Variants in RALGAPA1 observed in about 807,000 individuals in gnomAD.
RALGAPA1 encodes Ral GTPase activating protein catalytic subunit alpha 1.
A neutral mutation model predicts 269.6 loss-of-function variants in RALGAPA1; 52 were observed. That is an observed-to-expected ratio of 0.19 (90% CI 0.15 to 0.24). The LOEUF (loss-of-function observed/expected upper bound fraction) is 0.24, where lower values mean the gene tolerates loss of function less well. Among genes scored for constraint, RALGAPA1 ranks in the 10% least tolerant of loss-of-function variants. The pLI is 1.00. For missense variants in RALGAPA1, 1,917 were observed against 3,013.9 expected (o/e 0.64, Z 8.52); for synonymous variants, 817 against 1,008.3 (o/e 0.81, Z 3.60).
intron 9 of RALGAPA1, among the ~76,000 whole-genome samples, chr14:35,749,177 G>A (rs943039543): frequency 6.6e-6 from 1 of 152,062 alleles, no homozygotes; most frequent in African/African-American, 2.4e-5. Context: ...TCAAGAATAA[G>A]TAAATAACTT....
At chr14:35,606,160 TAGA>T (rs2059586066) in intron 35 of RALGAPA1, among the ~76,000 whole-genome samples, 1 of 152,158 alleles carries the variant, frequency 6.6e-6, no homozygotes, top group African/African-American at 2.4e-5. Flanking sequence ...ACTTACGAGG[TAGA>T]AGAAGAAACA....
chr14:35,645,162 G>A (rs1022888582), intron 31 of RALGAPA1, among the ~76,000 whole-genome samples: 8 of 151,962 alleles, frequency 5.3e-5, no homozygotes, highest in Non-Finnish European at 7.4e-5. Context: ...ATCTTCACAC[G>A]GTGGATATTA....
intron 15 of RALGAPA1, among the ~76,000 whole-genome samples, chr14:35,722,446 T>G (rs1033494708): frequency 6.6e-6 from 1 of 151,882 alleles, no homozygotes; most frequent in Non-Finnish European, 1.5e-5. Context: ...ACCATGTCTC[T>G]ATAAGAAATA....
intron 16 of RALGAPA1, among the ~76,000 whole-genome samples, 175 bp downstream of exon 16, chr14:35,721,513 G>A (rs1030859659): frequency 6.6e-6 from 1 of 152,112 alleles, no homozygotes; most frequent in Non-Finnish European, 1.5e-5. Flanking sequence ...AGCATAAAGG[G>A]ATAACAGCCT....
intron 16 of RALGAPA1, among the ~76,000 whole-genome samples, chr14:35,718,574 G>A (rs1339298079): frequency 6.6e-6 from 1 of 152,134 alleles, no homozygotes; most frequent in Non-Finnish European, 1.5e-5. Context: ...CTAGTACTTT[G>A]GGAGGCCGAG....
chr14:35,553,174 T>C (rs981063566), intron 39 of RALGAPA1, among the ~76,000 whole-genome samples: 2 of 152,236 alleles, frequency 1.3e-5, no homozygotes, highest in Admixed American at 6.5e-5. Context: ...ATACTTTATT[T>C]TGACCTTTGG....
At chr14:35,778,146 A>C (rs1046728019) in intron 1 of RALGAPA1, among the ~76,000 whole-genome samples, 2 of 152,016 alleles carry the variant, frequency 1.3e-5, no homozygotes, top group Non-Finnish European at 2.9e-5. Context: ...CTGCAGCCTC[A>C]ACCTCTTGAG....
intron 21 of RALGAPA1, among the ~76,000 whole-genome samples, chr14:35,682,166 C>T (rs1410358538): frequency 6.6e-6 from 1 of 152,186 alleles, no homozygotes; most frequent in Non-Finnish European, 1.5e-5. Context: ...AAAATGGTCA[C>T]ATAATAAACG....
chr14:35,680,707 C>T (rs950375929), intron 21 of RALGAPA1, among the ~76,000 whole-genome samples: 8 of 151,014 alleles, frequency 5.3e-5, no homozygotes, highest in African/African-American at 1.2e-4. Flanking sequence ...CTCTGCCTCC[C>T]GGGTTCACAC....
At chr14:35,649,839 C>T (rs577242088) in intron 31 of RALGAPA1, among the ~76,000 whole-genome samples, 3 of 152,152 alleles carry the variant, frequency 2.0e-5, no homozygotes, top group Admixed American at 2.0e-4. Flanking sequence ...ATCATGTTTA[C>T]CTCTGTTTAG....
intron 31 of RALGAPA1, among the ~76,000 whole-genome samples, chr14:35,637,715 T>C (rs913929670): frequency 6.6e-6 from 1 of 152,124 alleles, no homozygotes; most frequent in Admixed American, 6.5e-5. Context: ...CAAGTACAAG[T>C]AGGTTATAGA....
intron 9 of RALGAPA1, among the ~76,000 whole-genome samples, chr14:35,750,068 C>T (rs559364507): frequency 1.1e-4 from 16 of 152,062 alleles, no homozygotes; most frequent in East Asian, 7.7e-4. Context: ...CTAGACTTGG[C>T]GTCTTTGTTG....
At chr14:35,573,155 A>C (rs528177994) in intron 37 of RALGAPA1, among the ~76,000 whole-genome samples, 3 of 152,202 alleles carry the variant, frequency 2.0e-5, no homozygotes, top group East Asian at 3.8e-4. Flanking sequence ...AATTCTTCCA[A>C]ATAGATGTCT....
At position 35,689,368 on chromosome 14, in the gene RALGAPA1, C is replaced by G; in HGVS notation, c.3043G>C (p.Val1015Leu). The change falls in exon 18 of 42, where the codon GTC becomes CTC. Residue 1015 changes from valine (V) to leucine (L), a missense_variant. Physicochemically the swap from Val to Leu is conservative, Grantham distance 32. Around this residue, in one of 11 missense-constraint regions of RALGAPA1, gnomAD observed 615 missense variants for 790.0 expected, o/e 0.78. Coordinates refer to ENST00000680220, the MANE Select transcript of RALGAPA1 (RefSeq NM_001346249.2). ...LQFQKEPNSA[V>L]FMSNIAPNQS... ...TTAGGTGCGATATTACTCATGAAGA[C>G]AGCTGAGTTTGGTTCTTTCTGAAAC... The G allele has an allele frequency of 8.1e-7, 1 of 1,232,224 alleles. No individual in the cohort carries two copies. The highest frequency in any genetic ancestry group is 3.2e-5 in the East Asian group (1 of 31,696). The allele number at this position is 1,232,224 out of a possible 1,614,324, so 76.3% of individuals were successfully genotyped here.
chr14:35,668,617 A>C (rs1273026385), intron 26 of RALGAPA1, among the ~76,000 whole-genome samples: 1 of 152,166 alleles, frequency 6.6e-6, no homozygotes, highest in African/African-American at 2.4e-5. Context: ...ACATGGTGAG[A>C]CCCTGTTTCT....
intron 1 of RALGAPA1, among the ~76,000 whole-genome samples, chr14:35,794,556 A>C (rs891805271): frequency 2.6e-5 from 4 of 152,136 alleles, no homozygotes; most frequent in African/African-American, 7.2e-5. Flanking sequence ...TCCTGGGTTC[A>C]CGCCATTCTC....
chr14:35,553,105 T>G (rs189271913), intron 39 of RALGAPA1, among the ~76,000 whole-genome samples: 1 of 152,146 alleles, frequency 6.6e-6, no homozygotes, highest in Non-Finnish European at 1.5e-5. Flanking sequence ...TCATAGGGTG[T>G]TGAAGATAAA....
intron 35 of RALGAPA1, among the ~76,000 whole-genome samples, chr14:35,611,105 AG>A (rs542927858): frequency 5.3e-5 from 8 of 152,310 alleles, no homozygotes; most frequent in African/African-American, 1.7e-4. Context: ...CCTTTGAAAT[AG>A]AAATTGGCAA....
chr14:35,650,130 G>C (rs1481373169), intron 31 of RALGAPA1, among the ~76,000 whole-genome samples: 1 of 152,118 alleles, frequency 6.6e-6, no homozygotes, highest in African/African-American at 2.4e-5. Flanking sequence ...CCAGCACTTT[G>C]GGAGGCCGAG....
Sources: gnomAD v4.1 joint callset for allele counts (sites outside exome capture counted in the v4.1 genomes callset) on GRCh38, gnomAD v4.1.1 for gene constraint, gnomAD v4.1.1 regional missense constraint, MANE v1.5 for transcripts, NCBI Gene and HGNC (gene_info 2026-07-23, HGNC 2026-07-21) for gene names.